SLC2A9: variants seen among roughly 807,000 people sequenced by gnomAD.
SLC2A9 encodes the protein solute carrier family 2 member 9.
In SLC2A9, 39 loss-of-function variants were observed where a neutral mutation model predicts 50.6. The observed-to-expected ratio is 0.77, with a 90% CI of 0.60 to 1.01. SLC2A9 has a LOEUF of 1.01. Among genes scored for constraint, SLC2A9 ranks in the 50% least tolerant of loss-of-function variants. The pLI, the probability that SLC2A9 is intolerant of heterozygous loss-of-function variation, is 0.00. For synonymous variants in SLC2A9, 324 were observed against 276.9 expected (o/e 1.17, Z -1.69); for missense variants, 686 against 677.6 (o/e 1.01, Z -0.14).
At chr4:9,784,856 A>T (rs1174156684) in intron 3 of SLC2A9, among the ~76,000 whole-genome samples, 1 of 152,144 alleles carries the variant, frequency 6.6e-6, no homozygotes, top group Non-Finnish European at 1.5e-5. Flanking sequence ...ATCAATTTTG[A>T]TCTCTTTAAG....
downstream of SLC2A9, among the ~76,000 whole-genome samples, chr4:9,777,001 A>T (rs554837202): frequency 9.8e-5 from 15 of 152,302 alleles, no homozygotes; most frequent in African/African-American, 3.4e-4. Flanking sequence ...TTCCTCCAAG[A>T]TGACAACTCA....
intron 5 of SLC2A9, among the ~76,000 whole-genome samples, chr4:9,953,672 G>T (rs1750700032): frequency 6.6e-6 from 1 of 152,178 alleles, no homozygotes; most frequent in Non-Finnish European, 1.5e-5. Context: ...ACCCAGGCTG[G>T]AGTACAGGGG....
intron 3 of SLC2A9, chr4:9,782,477 C>T (rs546007578): frequency 6.2e-7 from 1 of 1,613,968 alleles, no homozygotes; most frequent in African/African-American, 1.3e-5. Flanking sequence ...CCGCTACAAG[C>T]GCAAGATGAC....
At chr4:9,898,367 AT>A (rs1281225585) in intron 8 of SLC2A9, among the ~76,000 whole-genome samples, 1 of 152,260 alleles carries the variant, frequency 6.6e-6, no homozygotes, top group African/African-American at 2.4e-5. Context: ...AATTTAATTT[AT>A]TTCAAATTTA....
chr4:9,953,890 A>G (rs1750738947), intron 5 of SLC2A9, among the ~76,000 whole-genome samples: 1 of 151,632 alleles, frequency 6.6e-6, no homozygotes, highest in Admixed American at 6.6e-5. Context: ...GCTCACTACA[A>G]CCTCCACCTC....
intron 5 of SLC2A9, among the ~76,000 whole-genome samples, chr4:9,959,206 C>T (rs952261903): frequency 1.5e-5 from 2 of 136,918 alleles, no homozygotes; most frequent in Admixed American, 7.6e-5. Context: ...GAGATTTAGG[C>T]CAATCTCTAC....
chr4:10,038,029 G>A (rs1287754565), intron 1 of SLC2A9, among the ~76,000 whole-genome samples: 1 of 152,166 alleles, frequency 6.6e-6, no homozygotes, highest in African/African-American at 2.4e-5. Flanking sequence ...AGTGAGGTGA[G>A]TCTGGCAGGA....
chr4:9,910,840 C>A (rs1272941060), intron 7 of SLC2A9, among the ~76,000 whole-genome samples: 1 of 152,170 alleles, frequency 6.6e-6, no homozygotes, highest in Non-Finnish European at 1.5e-5. Flanking sequence ...ACAGTTATAA[C>A]TTTTGCAGGG....
chr4:9,955,735 T>C (rs942734781), intron 5 of SLC2A9, among the ~76,000 whole-genome samples: 7 of 152,080 alleles, frequency 4.6e-5, no homozygotes, highest in Non-Finnish European at 7.3e-5. Flanking sequence ...CAGACCTGTA[T>C]GGATTTGCTG....
At chr4:9,809,731 T>C (rs1722625727) in intron 3 of SLC2A9, among the ~76,000 whole-genome samples, 2 of 152,184 alleles carry the variant, frequency 1.3e-5, no homozygotes, top group Non-Finnish European at 2.9e-5. Flanking sequence ...TTAGAGATAA[T>C]TCATTTTAGG....
At chr4:10,015,475 A>C (rs1762467205) in intron 2 of SLC2A9, among the ~76,000 whole-genome samples, 1 of 152,108 alleles carries the variant, frequency 6.6e-6, no homozygotes, top group African/African-American at 2.4e-5. Flanking sequence ...AACTACCTTG[A>C]CCTGAATTGT....
downstream of SLC2A9, among the ~76,000 whole-genome samples, chr4:9,776,573 C>A (rs1717597329): frequency 1.3e-5 from 2 of 152,030 alleles, no homozygotes; most frequent in Admixed American, 1.3e-4. Flanking sequence ...CAGGCAGCAC[C>A]TGCTGTCATT....
intron 5 of SLC2A9, among the ~76,000 whole-genome samples, chr4:9,949,198 C>T (rs1749754370): frequency 6.6e-6 from 1 of 152,136 alleles, no homozygotes. Context: ...AGACGGAGCT[C>T]CTGAAGGGCC....
intron 6 of SLC2A9, chr4:9,923,999 G>C (rs568469704): frequency 6.6e-6 from 1 of 152,270 alleles, no homozygotes; most frequent in Non-Finnish European, 1.5e-5. Context: ...GGAGGGCCTT[G>C]AGTGTTTGCA....
chr4:9,787,089 C>T (rs1396756419), intron 3 of SLC2A9, among the ~76,000 whole-genome samples: 3 of 152,230 alleles, frequency 2.0e-5, no homozygotes. Flanking sequence ...TGAATTTGGG[C>T]ACCTTTCTGA....
chr4:10,026,233 T>C (rs1343985769), upstream of SLC2A9, among the ~76,000 whole-genome samples: 7 of 152,236 alleles, frequency 4.6e-5, no homozygotes, highest in Admixed American at 3.3e-4. Flanking sequence ...TTGTTGATTA[T>C]TAAATACAGG....
intron 8 of SLC2A9, among the ~76,000 whole-genome samples, chr4:9,896,502 G>A (rs753276092): frequency 7.2e-5 from 11 of 152,052 alleles, no homozygotes; most frequent in East Asian, 5.8e-4. Flanking sequence ...CTGAATTCAC[G>A]TCCCCTCTCA....
At position 9,990,559 on chromosome 4, in the gene SLC2A9, G is replaced by C. The variant is rs144208664; in HGVS notation, c.411-4766C>G. On this transcript the variant is annotated intron_variant, in intron 3 of 11. Coordinates refer to ENST00000264784, the MANE Select transcript of SLC2A9 (RefSeq NM_020041.3). ...AGTTCTGGTAGATATGTCCTAGGCA[G>C]TGGGGGATGGGGTTGAAGATTTCTT... is the stretch of plus-strand genomic sequence containing the variant. Among the ~76,000 whole-genome samples the C allele has an allele frequency of 1.5e-3, 221 of 152,328 alleles. 1 individual carries two copies. Among genetic ancestry groups the C allele is most frequent in the African/African-American group, 5.2e-3 (217 of 41,564 alleles).
intron 3 of SLC2A9, among the ~76,000 whole-genome samples, chr4:9,793,197 C>A (rs2108892239): frequency 6.6e-6 from 1 of 152,326 alleles, no homozygotes; most frequent in African/African-American, 2.4e-5. Flanking sequence ...TAGCAATTTT[C>A]TGTGTGCTGT....
Sources: allele counts gnomAD v4.1 joint callset (sites outside exome capture counted in the v4.1 genomes callset), GRCh38; gene constraint gnomAD v4.1.1; transcripts MANE v1.5; gene names NCBI Gene and HGNC (gene_info 2026-07-23, HGNC 2026-07-21).